The following BSCL2 variants were observed in gnomAD, a reference collection of about 807,000 sequenced individuals.
The protein encoded by BSCL2 is BSCL2 lipid droplet biogenesis associated, seipin, also known as seipin.
Under a neutral mutation model 57.4 loss-of-function variants are expected in BSCL2, and 41 were observed. That is an observed-to-expected ratio of 0.71 (90% confidence interval 0.56 to 0.93). The LOEUF (loss-of-function observed/expected upper bound fraction) is 0.93, where lower values mean the gene tolerates loss of function less well. BSCL2 is among the 40% of genes least tolerant of loss of function. The pLI, the probability that BSCL2 is intolerant of heterozygous loss-of-function variation, is 0.00. For missense variants in BSCL2, 539 were observed against 586.7 expected (o/e 0.92, Z 0.84); for synonymous variants, 237 against 227.3 (o/e 1.04, Z -0.38).
chr11:62,694,492 AC>A (rs2134701931), intron 4 of BSCL2, 75 bp downstream of exon 4: 1 of 1,606,718 alleles, frequency 6.2e-7, no homozygotes, highest in Non-Finnish European at 8.5e-7. Context: ...GGCCTGAGCC[AC>A]CACACCCAGC....
chr11:62,694,237 T>C (rs947814112), intron 4 of BSCL2, among the ~76,000 whole-genome samples: 4 of 124,982 alleles, frequency 3.2e-5, no homozygotes, highest in Non-Finnish European at 6.4e-5. Flanking sequence ...ACGGTCTTGC[T>C]CTGTTGCCCA....
intron 2 of BSCL2, among the ~76,000 whole-genome samples, chr11:62,703,742 G>A (rs899086344): frequency 6.6e-6 from 1 of 151,960 alleles, no homozygotes; most frequent in Non-Finnish European, 1.5e-5. Flanking sequence ...CTGGACCAGG[G>A]ACTTAAGGGA....
chr11:62,705,397 A>T lies in BSCL2; in HGVS notation c.308T>A (p.Leu103His), dbSNP rs751840132. 6.2e-7 allele frequency: 1 copy of T among 1,614,178 alleles called. No homozygotes were observed. Among genetic ancestry groups the T allele is most frequent in the Non-Finnish European group, 8.5e-7 (1 of 1,180,010 alleles). ...GAAGACAGACACCCAGAGCAAAAGG[A>T]GGATGGTGCAGAAGAGCACCCCAAA... Reference protein sequence around the residue: ...LQFGVLFCTILLLLWVSVFLY... With the variant: ...LQFGVLFCTIHLLLWVSVFLY... The change falls in exon 2 of 11, where the codon CTC becomes CAC. Residue 103 changes from leucine (L) to histidine (H), a missense_variant. Leu to His is a moderately conservative substitution (Grantham distance 99, BLOSUM62 -3). Transcript: ENST00000360796.
At position 62,705,319 on chromosome 11, in the gene BSCL2, G is replaced by C; in HGVS notation, c.386C>G (p.Pro129Arg). 6.2e-7 allele frequency: 1 copy of C among 1,612,784 alleles called. No individual in the cohort carries two copies. The highest frequency in any genetic ancestry group is 8.5e-7 in the Non-Finnish European group (1 of 1,179,372). Residue 129 changes from proline (P) to arginine (R), a missense_variant, in exon 2 of 11, where the codon CCT (proline) becomes CGT (arginine). By Grantham distance (103) the Pro-to-Arg change is moderately radical. This residue lies in a region of BSCL2 where 218 missense variants were observed against 224.8 expected (regional missense o/e 0.97). Transcript: ENST00000360796. ...CTCTCACCTGTAGTAGAAATGCACAGGGCTGAGGTGGCTGACTGTCGGCAT... is the reference window on the plus strand; with the variant it reads ...CTCTCACCTGTAGTAGAAATGCACACGGCTGAGGTGGCTGACTGTCGGCAT... ...SYMPTVSHLS[P>R]VHFYYRTDCD...
intron 3 of BSCL2, among the ~76,000 whole-genome samples, chr11:62,701,735 G>C (rs1328106542): frequency 3.3e-5 from 5 of 151,420 alleles, no homozygotes; most frequent in Non-Finnish European, 5.9e-5. Context: ...GGGAGGCTGA[G>C]GCAGGAGAAT....
chr11:62,708,333 T>C (rs758286253), upstream of BSCL2: 19 of 1,613,634 alleles, frequency 1.2e-5, no homozygotes, highest in Middle Eastern at 1.6e-4. Flanking sequence ...ACTATGAGTA[T>C]TGGGCAAGCA....
rs754969234 is a variant in BSCL2, at chr11:62,691,350, A to G, written c.935T>C (p.Val312Ala). 6.2e-7 allele frequency: 1 copy of G among 1,614,210 alleles called. No homozygotes were observed. The highest frequency in any genetic ancestry group is 8.5e-7 in the Non-Finnish European group (1 of 1,180,040). The stretch of plus-strand genomic sequence containing the variant: ...CTGCATGTAGCTGAAGAGCACGATG[A>G]CGCTGAGGAAGGTGAAGTTGCTGGC... ...GVASNFTFLSVIVLFSYMQWV... is the reference protein window; with the variant it reads ...GVASNFTFLSAIVLFSYMQWV... The change falls in exon 7 of 11, where the codon GTC becomes GCC. Residue 312 changes from valine (V) to alanine (A), a missense_variant. Around this residue, in one of 3 missense-constraint regions of BSCL2, gnomAD observed 248 missense variants for 239.9 expected, o/e 1.03. Coordinates refer to ENST00000360796, the MANE Select transcript of BSCL2 (RefSeq NM_001122955.4).
chr11:62,702,436 TA>T (rs1945670867), intron 3 of BSCL2, 31 bp downstream of exon 3: 6 of 1,572,602 alleles, frequency 3.8e-6, no homozygotes, highest in Non-Finnish European at 5.2e-6. Context: ...ATCAAAGCTC[TA>T]ATGAAACCTC....
At chr11:62,703,502 G>A (rs1945711661) in intron 2 of BSCL2, among the ~76,000 whole-genome samples, 1 of 151,492 alleles carries the variant, frequency 6.6e-6, no homozygotes, top group Admixed American at 6.6e-5. Context: ...ACAGGCGCCT[G>A]CCACCACGCC....
rs1475424275 is a variant in BSCL2, at chr11:62,705,164, G to C, written c.404+137C>G. 7.5e-6 allele frequency: 7 copies of C among 935,618 alleles called. No individual in the cohort carries two copies. The African/African-American group carries it at 1.2e-4, about 16-fold the overall frequency. The allele number at this position is 935,618 out of a possible 1,614,324, so 58.0% of individuals were successfully genotyped here. A position where few individuals can be genotyped will look rare whatever the true frequency, so the allele number is the denominator to read the frequency against. The stretch of plus-strand genomic sequence containing the variant: ...GGCAACCCAAATCTAGCCTTGGGCT[G>C]TGAAAGTTGAGAGGCCCTGGAAGCA... On this transcript the variant is annotated intron_variant, in intron 2 of 10. Coordinates refer to ENST00000360796, the MANE Select transcript of BSCL2 (RefSeq NM_001122955.4).
upstream of BSCL2, chr11:62,708,290 T>A (rs1262252075): frequency 4.4e-6 from 7 of 1,598,332 alleles, no homozygotes; most frequent in Non-Finnish European, 5.1e-6. Flanking sequence ...CCCTCTTTTT[T>A]CCAGGATGAA....
At position 62,690,674 on chromosome 11, in the gene BSCL2, T is replaced by A. The variant is rs1945283986; in HGVS notation, c.1172A>T (p.Glu391Val). The A allele has an allele frequency of 6.2e-7, 1 of 1,613,734 alleles. No individual in the cohort carries two copies. Among genetic ancestry groups the A allele is most frequent in the South Asian group, 1.1e-5 (1 of 91,092 alleles). The change falls in exon 10 of 11, where the codon GAG becomes GTG. Residue 391 changes from glutamate to valine, a missense_variant. This residue lies in a region of BSCL2 where 248 missense variants were observed against 239.9 expected (regional missense o/e 1.03). Coordinates refer to ENST00000360796, the MANE Select transcript of BSCL2 (RefSeq NM_001122955.4). Reference sequence around the variant, plus strand: ...CAGGGGCTGCTGATCTGGTTTCTCCTCCTCGGACAGCTGACCCTCTGCAGC... The same window carrying A: ...CAGGGGCTGCTGATCTGGTTTCTCCACCTCGGACAGCTGACCCTCTGCAGC... ...PSGTEGQLSE[E>V]EKPDQQPLSG...
At position 62,702,511 on chromosome 11, in the gene BSCL2, A is replaced by G. The variant is rs751277966; in HGVS notation, c.443T>C (p.Phe148Ser). The change falls in exon 3 of 11, where the codon TTC becomes TCC. Residue 148 changes from phenylalanine (F) to serine (S), a missense_variant. Physicochemically the swap from Phe to Ser is radical, Grantham distance 155. This residue lies in a region of BSCL2 where 218 missense variants were observed against 224.8 expected (regional missense o/e 0.97). Coordinates refer to ENST00000360796, the MANE Select transcript of BSCL2 (RefSeq NM_001122955.4). ...AGTCAGCGAGACATTGGCAACAGGG[A>G]AGGAGCAGAGTGAGGTGGTGGAGGA... ...CDSSTTSLCS[F>S]PVANVSLTKG... The G allele has an allele frequency of 5.0e-6, 8 of 1,612,956 alleles. No individual in the cohort carries two copies. The Admixed American group carries it at 6.7e-5, about 13-fold the overall frequency.
At chr11:62,708,646 G>C (rs202161497), upstream of BSCL2, 6 of 1,611,698 alleles carry the variant, frequency 3.7e-6, no homozygotes, top group East Asian at 1.3e-4. Context: ...CAGAGGTCCT[G>C]GCTAACAATA....
chr11:62,705,381 C>T lies in BSCL2; in HGVS notation c.324G>A (p.Val108=). The T allele has an allele frequency of 6.2e-7, 1 of 1,614,192 alleles. No homozygotes were observed. The part of the protein sequence containing the change: ...LFCTILLLLW[V]SVFLYGSFYY... ...AGAAGGAGCCATAGAGGAAGACAGA[C>T]ACCCAGAGCAAAAGGAGGATGGTGC... is the stretch of plus-strand genomic sequence containing the variant. The change falls in exon 2 of 11, where the codon GTG becomes GTA. Residue 108 remains valine, a synonymous_variant. Transcript: ENST00000360796.
At chr11:62,709,364 A>T (rs1173107767), upstream of BSCL2, 2 of 454,054 alleles carry the variant, frequency 4.4e-6, no homozygotes, top group Admixed American at 4.7e-5. Flanking sequence ...ACAGTGTAAG[A>T]ATTAAGTACA....
chr11:62,707,516 C>T, upstream of BSCL2: 2 of 626,286 alleles, frequency 3.2e-6, no homozygotes, highest in East Asian at 2.7e-5. Context: ...CGGCCTTGGC[C>T]TCAGCTCTGT....
chr11:62,703,347 G>GTTTT (rs541712297), intron 2 of BSCL2, among the ~76,000 whole-genome samples: 2 of 68,770 alleles, frequency 2.9e-5, no homozygotes, highest in Admixed American at 2.1e-4. Context: ...ATGCATATAC[G>GTTTT]TTTTTTTTTT....
rs1203334219 is a variant in BSCL2 at position 62,691,133 on chromosome 11, G to C, written c.1014C>G (p.Ile338Met). Reference protein sequence around the residue: ...PRHRFSLQVNIRKRDNSRKEV... With the variant: ...PRHRFSLQVNMRKRDNSRKEV... ...CCTTCCGGGAATTGTCTCTTTTTCG[G>C]ATGTTAACCTGTGGAGGAAAAACTA... is the stretch of plus-strand genomic sequence containing the variant. Residue 338 changes from isoleucine (I) to methionine (M), a missense_variant, in exon 8 of 11, where the codon ATC becomes ATG. Ile to Met is a conservative substitution (Grantham distance 10). This residue lies in a region of BSCL2 where 248 missense variants were observed against 239.9 expected (regional missense o/e 1.03). Coordinates refer to ENST00000360796, the MANE Select transcript of BSCL2 (RefSeq NM_001122955.4). The C allele has an allele frequency of 1.2e-6, 2 of 1,614,048 alleles. No homozygotes were observed. Among genetic ancestry groups the C allele is most frequent in the African/African-American group, 1.3e-5 (1 of 74,930 alleles).
Sources: gnomAD v4.1 joint callset for allele counts (sites outside exome capture counted in the v4.1 genomes callset) on GRCh38, gnomAD v4.1.1 for gene constraint, gnomAD v4.1.1 regional missense constraint, MANE v1.5 for transcripts, NCBI Gene and HGNC (gene_info 2026-07-23, HGNC 2026-07-21) for gene names.